ARHGAP28: variants seen among roughly 807,000 people sequenced by gnomAD.
ARHGAP28 encodes the protein Rho GTPase activating protein 28, also known as rho GTPase-activating protein 28.
In ARHGAP28, 56 loss-of-function variants were observed where a neutral mutation model predicts 90.7. That is an observed-to-expected ratio of 0.62 (90% confidence interval 0.50 to 0.77). ARHGAP28 has a LOEUF of 0.77. Ranked by LOEUF, ARHGAP28 falls within the 30% of genes least tolerant of loss-of-function variation. The pLI, the probability that ARHGAP28 is intolerant of heterozygous loss-of-function variation, is 0.00. For missense variants in ARHGAP28, 869 were observed against 900.9 expected, an observed-to-expected ratio of 0.96 and a Z score of 0.45; for synonymous variants, 308 against 323.3, an observed-to-expected ratio of 0.95 and a Z score of 0.51.
chr18:6,907,397 A>G (rs2057370005), intron 16 of ARHGAP28, among the ~76,000 whole-genome samples: 2 of 151,660 alleles, frequency 1.3e-5, no homozygotes, highest in South Asian at 2.1e-4. Flanking sequence ...AAAACTGGAA[A>G]AAAAAAAAAA....
intron 16 of ARHGAP28, among the ~76,000 whole-genome samples, chr18:6,907,922 C>T (rs1038968467): frequency 1.3e-5 from 2 of 152,098 alleles, no homozygotes; most frequent in African/African-American, 4.8e-5. Flanking sequence ...AAAGAGGGCA[C>T]ACTTGCATCT....
At chr18:6,882,985 G>T (rs1294016099) in intron 11 of ARHGAP28, among the ~76,000 whole-genome samples, 1 of 152,138 alleles carries the variant, frequency 6.6e-6, no homozygotes, top group East Asian at 1.9e-4. Context: ...TGGAAAAGTA[G>T]AATGGGGGTA....
intron 1 of ARHGAP28, chr18:6,730,216 C>CATATATATATATATATATATAT (rs1555621909): frequency 4.6e-4 from 49 of 105,606 alleles, no homozygotes; most frequent in African/African-American, 2.9e-3. Flanking sequence ...GAGGATAAGT[C>CATATATATATATATATATATAT]ATGTGTATAT....
chr18:6,870,805 C>CA, intron 7 of ARHGAP28, 73 bp downstream of exon 7: 1 of 1,152,670 alleles, frequency 8.7e-7, no homozygotes, highest in Non-Finnish European at 1.2e-6. Flanking sequence ...ATTTCTTTTT[C>CA]TTTTTTTTTT....
At chr18:6,768,568 T>A (rs1483043563) in intron 1 of ARHGAP28, among the ~76,000 whole-genome samples, 2 of 152,084 alleles carry the variant, frequency 1.3e-5, no homozygotes, top group African/African-American at 4.8e-5. Context: ...ATTGATTAAC[T>A]TATGGAAGAT....
intron 3 of ARHGAP28, 120 bp downstream of exon 3, chr18:6,837,534 T>C (rs974284760): frequency 2.7e-5 from 20 of 748,874 alleles, no homozygotes; most frequent in Non-Finnish European, 3.9e-5. Context: ...TTCTAACTTT[T>C]TGAGAAAACT....
chr18:6,791,442 A>G (rs1182169277), intron 1 of ARHGAP28: 1 of 152,234 alleles, frequency 6.6e-6, no homozygotes, highest in Non-Finnish European at 1.5e-5. Context: ...AATTAAGCTG[A>G]CACTCAGAAT....
chr18:6,860,449 A>G (rs950468294), intron 5 of ARHGAP28, among the ~76,000 whole-genome samples: 1 of 152,146 alleles, frequency 6.6e-6, no homozygotes, highest in African/African-American at 2.4e-5. Flanking sequence ...CCCCACTGCG[A>G]ATCCCCATTC....
At chr18:6,740,340 A>G (rs557732623) in intron 1 of ARHGAP28, among the ~76,000 whole-genome samples, 49 of 152,284 alleles carry the variant, frequency 3.2e-4, no homozygotes, top group African/African-American at 1.1e-3. Context: ...ATCGTGCTCA[A>G]AAATTTAGGC....
intron 1 of ARHGAP28, among the ~76,000 whole-genome samples, chr18:6,813,874 A>G (rs1311469532): frequency 6.6e-6 from 1 of 152,176 alleles, no homozygotes; most frequent in East Asian, 1.9e-4. Context: ...TTCCGTCTCA[A>G]TCAGAGGATC....
intron 1 of ARHGAP28, among the ~76,000 whole-genome samples, chr18:6,802,192 T>G (rs1409936678): frequency 6.6e-6 from 1 of 152,146 alleles, no homozygotes; most frequent in East Asian, 1.9e-4. Flanking sequence ...ATTTCCCTAT[T>G]TTGGCTATTG....
At chr18:6,892,350 C>T (rs548096977) in intron 14 of ARHGAP28, among the ~76,000 whole-genome samples, 65 of 152,164 alleles carry the variant, frequency 4.3e-4, no homozygotes, top group South Asian at 1.5e-3. Context: ...CAGGGTTTCA[C>T]CATGTTGGCC....
Position 6,890,512 on chromosome 18 carries a change from A to C in ARHGAP28, c.1817A>C (p.Lys606Thr). The C allele has an allele frequency of 1.9e-6, 3 of 1,613,352 alleles. No homozygotes were observed. The highest frequency in any genetic ancestry group is 2.5e-6 in the Non-Finnish European group (3 of 1,179,736). ...AAGAAGCAGCTCCCAAGTGTCAGGA[A>C]GCTGCTCAGGAGGAAGACCCTCGAG... is the stretch of plus-strand genomic sequence containing the variant. ...LLKKQLPSVR[K>T]LLRRKTLERE... The change falls in exon 14 of 18, where the codon AAG becomes ACG. Residue 606 changes from lysine (K) to threonine (T), a missense_variant. By Grantham distance (78) the Lys-to-Thr change is moderately conservative (BLOSUM62 -1). Transcript: ENST00000383472.
intron 1 of ARHGAP28, among the ~76,000 whole-genome samples, chr18:6,762,510 T>C (rs1252772088): frequency 6.6e-6 from 1 of 152,232 alleles, no homozygotes; most frequent in Non-Finnish European, 1.5e-5. Context: ...ATATTCCTTC[T>C]GTTAGAAATA....
intron 1 of ARHGAP28, among the ~76,000 whole-genome samples, chr18:6,751,724 A>G (rs932317268): frequency 4.6e-5 from 7 of 152,254 alleles, no homozygotes; most frequent in Non-Finnish European, 1.0e-4. Flanking sequence ...CCCTGGCAAC[A>G]GCAGTTGCTC....
chr18:6,839,581 G>A (rs532431245), intron 3 of ARHGAP28, among the ~76,000 whole-genome samples: 78 of 152,328 alleles, frequency 5.1e-4, no homozygotes, highest in South Asian at 3.3e-3. Flanking sequence ...ACAGGCGTGA[G>A]CCACTGCGCC....
Position 6,741,302 on chromosome 18 carries a change from C to G in ARHGAP28, c.122+11359C>G, listed in dbSNP as rs575050312. Among the ~76,000 whole-genome samples the G allele has an allele frequency of 3.3e-5, 5 of 152,292 alleles. No homozygotes were observed. In the East Asian group the frequency reaches 7.7e-4, roughly 24 times the overall value. On this transcript the variant is annotated intron_variant, in intron 1 of 17. Coordinates refer to ENST00000383472, the MANE Select transcript of ARHGAP28 (RefSeq NM_001366230.1). ...AACATACCACAACTTAACTCCTCTC[C>G]CTCCTCATTTATAAGGCTCTGTGAT...
At chr18:6,899,970 G>C (rs1243089033) in intron 16 of ARHGAP28, among the ~76,000 whole-genome samples, 1 of 151,972 alleles carries the variant, frequency 6.6e-6, no homozygotes, top group Admixed American at 6.6e-5. Context: ...TGTCAGTGGG[G>C]CCCAGTGAGG....
At position 6,890,519 on chromosome 18, in the gene ARHGAP28, C is replaced by A. The variant is rs145159484; in HGVS notation, c.1824C>A (p.Leu608=). 7 of 1,612,200 alleles carry A rather than the reference C, an allele frequency of 4.3e-6. No homozygotes were observed. The highest frequency in any genetic ancestry group is 5.9e-6 in the Non-Finnish European group (7 of 1,179,298). The change falls in exon 14 of 18, where the codon CTC becomes CTA. Residue 608 remains leucine, a synonymous_variant. Coordinates refer to ENST00000383472, the MANE Select transcript of ARHGAP28 (RefSeq NM_001366230.1). The part of the protein sequence containing the change: ...KKQLPSVRKL[L]RRKTLERETA... ...AGCTCCCAAGTGTCAGGAAGCTGCT[C>A]AGGAGGAAGACCCTCGAGCGGGAGG...
Sources: gnomAD v4.1 joint callset for allele counts (sites outside exome capture counted in the v4.1 genomes callset) on GRCh38, gnomAD v4.1.1 for gene constraint, MANE v1.5 for transcripts, NCBI Gene and HGNC (gene_info 2026-07-23, HGNC 2026-07-21) for gene names.